The following TEAD4 variants were observed in gnomAD, a reference collection of about 807,000 sequenced individuals.
TEAD4 encodes TEA domain transcription factor 4, also known as transcriptional enhancer factor TEF-3.
TEAD4 carries 36 observed loss-of-function variants against 52.4 expected under a neutral mutation model. The observed-to-expected ratio is 0.69, with a 90% CI of 0.53 to 0.91. TEAD4 has a LOEUF of 0.91. TEAD4 is among the 40% of genes least tolerant of loss of function. The pLI is 0.00. For synonymous variants in TEAD4, 220 were observed against 231.0 expected, an observed-to-expected ratio of 0.95 and a Z score of 0.43; for missense variants, 508 against 583.9, an observed-to-expected ratio of 0.87 and a Z score of 1.34.
chr12:2,962,321 T>TAA (rs1313331021), intron 2 of TEAD4, among the ~76,000 whole-genome samples: 4 of 97,422 alleles, frequency 4.1e-5, no homozygotes, highest in East Asian at 2.5e-4. Flanking sequence ...TATAAATATA[T>TAA]ATATAAATAT....
chr12:2,979,514 C>G (rs766624459), intron 2 of TEAD4, among the ~76,000 whole-genome samples: 1 of 152,232 alleles, frequency 6.6e-6, no homozygotes, highest in Admixed American at 6.5e-5. Flanking sequence ...CAGCTGGGAG[C>G]GTGCGCGTCA....
chr12:2,991,664 C>G (rs901733324), intron 2 of TEAD4, among the ~76,000 whole-genome samples: 7 of 150,662 alleles, frequency 4.6e-5, no homozygotes, highest in African/African-American at 1.2e-4. Context: ...TCCGTCCCCC[C>G]ACAAAAAAAA....
At position 2,994,356 on chromosome 12, in the gene TEAD4, G is replaced by A. The variant is rs1331268701; in HGVS notation, c.-29-382G>A. Reference sequence around the variant, plus strand: ...CTCCCAGAGTGCTGGGATTACAGGCGTGAGCCACAGCGCCCGGCCTGTACC... The same window carrying A: ...CTCCCAGAGTGCTGGGATTACAGGCATGAGCCACAGCGCCCGGCCTGTACC... On this transcript the variant is annotated intron_variant, in intron 2 of 12. Transcript: ENST00000359864. The surrounding 1 kb of genome is among the most constrained non-coding windows in gnomAD (Gnocchi z 4.7). 5.3e-5 allele frequency among the ~76,000 whole-genome samples: 8 copies of A among 152,304 alleles called. No homozygotes were observed. Among genetic ancestry groups the A allele is most frequent in the African/African-American group, 1.4e-4 (6 of 41,578 alleles).
chr12:2,964,699 C>T (rs1276591866), intron 2 of TEAD4, among the ~76,000 whole-genome samples: 1 of 151,084 alleles, frequency 6.6e-6, no homozygotes, highest in Non-Finnish European at 1.5e-5. Flanking sequence ...CTCGAACTCC[C>T]AACCTCAGGT....
intron 3 of TEAD4, among the ~76,000 whole-genome samples, chr12:3,004,230 C>T (rs917190414): frequency 1.3e-5 from 2 of 152,228 alleles, no homozygotes; most frequent in Non-Finnish European, 2.9e-5. Context: ...GCAGCATCGT[C>T]CCTTGCGGAG....
intron 2 of TEAD4, among the ~76,000 whole-genome samples, chr12:2,981,464 C>T (rs879357974): frequency 6.6e-6 from 1 of 152,174 alleles, no homozygotes; most frequent in South Asian, 2.1e-4. Context: ...GGAACTGGGG[C>T]TCAGGGAACC....
At chr12:3,012,548 C>T (rs941473917) in intron 5 of TEAD4, among the ~76,000 whole-genome samples, 1 of 152,134 alleles carries the variant, frequency 6.6e-6, no homozygotes, top group East Asian at 1.9e-4. Flanking sequence ...TTGAGGGCCC[C>T]TCAGTGCCCT....
At chr12:3,008,209 G>T (rs1299284387) in intron 3 of TEAD4, among the ~76,000 whole-genome samples, 1 of 152,182 alleles carries the variant, frequency 6.6e-6, no homozygotes, top group African/African-American at 2.4e-5. Context: ...GTAGGAGTAT[G>T]ATTTCAGCCC....
chr12:3,007,266 A>G (rs2098256698), intron 3 of TEAD4, among the ~76,000 whole-genome samples: 1 of 152,160 alleles, frequency 6.6e-6, no homozygotes, highest in Non-Finnish European at 1.5e-5. Context: ...AGGCCTCCCT[A>G]CTGCTTCTCA....
At chr12:3,001,054 G>C (rs1399292367) in intron 3 of TEAD4, among the ~76,000 whole-genome samples, 1 of 152,192 alleles carries the variant, frequency 6.6e-6, no homozygotes, top group African/African-American at 2.4e-5. Flanking sequence ...CTACAACCCT[G>C]ACTTCAGGTG....
intron 2 of TEAD4, among the ~76,000 whole-genome samples, chr12:2,966,555 C>T (rs1293401476): frequency 1.3e-5 from 2 of 151,222 alleles, no homozygotes; most frequent in Non-Finnish European, 2.9e-5. Context: ...GGATTACAAG[C>T]ACACGCCACC....
Position 3,020,716 on chromosome 12 carries a change from C to T in TEAD4, c.666C>T (p.Ser222=), listed in dbSNP as rs200645899. 1.1e-5 allele frequency: 17 copies of T among 1,609,644 alleles called. No homozygotes were observed. In the African/African-American group the frequency reaches 2.0e-4, roughly 19 times the overall value. Reference sequence around the variant, plus strand: ...GGCAGGGCCGCAGCGTGGCCAGCTCCAAGCTCTGGATGTTGGAGTTCTCTG... The same window carrying T: ...GGCAGGGCCGCAGCGTGGCCAGCTCTAAGCTCTGGATGTTGGAGTTCTCTG... The change falls in exon 9 of 13, where the codon TCC becomes TCT. Residue 222 remains serine (S), a synonymous_variant. Transcript: ENST00000359864.
At chr12:2,971,703 C>CG (rs2098225205) in intron 2 of TEAD4, among the ~76,000 whole-genome samples, 1 of 151,768 alleles carries the variant, frequency 6.6e-6, no homozygotes, top group Admixed American at 6.6e-5. Flanking sequence ...TCTCGATCTC[C>CG]TGACCTCATG....
In TEAD4 at chr12:2,994,063, A is replaced by G. The variant is rs2098245246; in HGVS notation, c.-29-675A>G. On this transcript the variant is annotated intron_variant, in intron 2 of 12. Transcript: ENST00000359864. This position sits in a 1 kb window ranked among gnomAD's most constrained non-coding sequence, Gnocchi z 4.7. ...TATATATCTTTGAGACCCTGCTTTC[A>G]GTTTGTTTGGGTATATACCCAGGTA... Among the ~76,000 whole-genome samples the G allele has an allele frequency of 6.6e-6, 1 of 151,796 alleles. No individual in the cohort carries two copies. Among genetic ancestry groups the G allele is most frequent in the Admixed American group, 6.6e-5 (1 of 15,238 alleles).
intron 2 of TEAD4, among the ~76,000 whole-genome samples, chr12:2,989,899 G>A (rs999282587): frequency 1.3e-5 from 2 of 152,208 alleles, no homozygotes; most frequent in Middle Eastern, 3.2e-3. Context: ...CATGGTTCCT[G>A]AATTATTGGA....
At chr12:3,024,312 G>A (rs1009347875) in intron 10 of TEAD4, among the ~76,000 whole-genome samples, 4 of 152,188 alleles carry the variant, frequency 2.6e-5, no homozygotes, top group East Asian at 1.9e-4. Context: ...TCCTGACCTC[G>A]TGATCTGCCC....
At chr12:2,972,600 A>G (rs2098226184) in intron 2 of TEAD4, among the ~76,000 whole-genome samples, 1 of 147,312 alleles carries the variant, frequency 6.8e-6, no homozygotes, top group Non-Finnish European at 1.5e-5. Flanking sequence ...CCTGGGTTCA[A>G]GTAATTCTCC....
intron 2 of TEAD4, among the ~76,000 whole-genome samples, chr12:2,963,678 A>C (rs557814654): frequency 2.0e-5 from 3 of 152,272 alleles, no homozygotes; most frequent in East Asian, 1.9e-4. Context: ...TCCCGCTACT[A>C]TCTGGGAGAT....
rs181661393 is a variant in TEAD4 at position 3,014,704 on chromosome 12, C to T, written c.354+2472C>T. ...GACATCCAAGTTCCCCTCCCGGCCC[C>T]GGTTAGTGGCTCCCTGGCTCCATTG... On this transcript the variant is annotated intron_variant, in intron 5 of 12. Coordinates refer to ENST00000359864, the MANE Select transcript of TEAD4 (RefSeq NM_003213.4). Among the ~76,000 whole-genome samples, 32 of 152,322 alleles carry T rather than the reference C, an allele frequency of 2.1e-4. 1 individual carries two copies. Among genetic ancestry groups the T allele is most frequent in the Admixed American group, 4.6e-4 (7 of 15,306 alleles).
Sources: allele counts gnomAD v4.1 joint callset (sites outside exome capture counted in the v4.1 genomes callset), GRCh38; gene constraint gnomAD v4.1.1; non-coding constraint Gnocchi (gnomAD v3.1); transcripts MANE v1.5; gene names NCBI Gene and HGNC (gene_info 2026-07-23, HGNC 2026-07-21).